Variants in PDE4B observed in about 807,000 individuals in gnomAD.
PDE4B encodes 3',5'-cyclic-AMP phosphodiesterase 4B.
A neutral mutation model predicts 82.2 loss-of-function variants in PDE4B; 20 were observed. That is an observed-to-expected ratio of 0.24 (90% CI 0.17 to 0.35). The LOEUF (loss-of-function observed/expected upper bound fraction) is 0.35, where lower values mean the gene tolerates loss of function less well. Ranked by LOEUF, PDE4B falls within the 10% of genes least tolerant of loss-of-function variation. PDE4B has a pLI of 1.00. For missense variants in PDE4B, 655 were observed against 907.2 expected (o/e 0.72, Z 3.57); for synonymous variants, 320 against 318.9 (o/e 1.00, Z -0.04).
intron 3 of PDE4B, among the ~76,000 whole-genome samples, chr1:66,209,771 AG>A (rs1427419285): frequency 5.9e-5 from 9 of 152,218 alleles, no homozygotes; most frequent in Non-Finnish European, 1.3e-4. Flanking sequence ...TAAAAGGAAT[AG>A]TACAGTATAT....
At position 66,039,856 on chromosome 1, in the gene PDE4B, A is replaced by G. The variant is rs1219081863; in HGVS notation, c.281+121021A>G. 2.5e-5 allele frequency among the ~76,000 whole-genome samples: 3 copies of G among 119,922 alleles called. No homozygotes were observed. The Admixed American group carries it at 2.5e-4, about 10-fold the overall frequency. 78.7% of individuals were successfully genotyped at this position (119,922 alleles called of 152,430 possible). A position where few individuals can be genotyped will look rare whatever the true frequency, so the allele number is the denominator to read the frequency against. ...TTTTGGTGTATACTTTATGGTACTC[A>G]TTGTTATGTAGTTGTATATAGGCAT... On this transcript the variant is annotated intron_variant, in intron 3 of 16. Coordinates refer to ENST00000341517, the MANE Select transcript of PDE4B (RefSeq NM_002600.4).
chr1:65,894,147 TAAA>T (rs554464716), intron 1 of PDE4B, among the ~76,000 whole-genome samples: 1 of 149,260 alleles, frequency 6.7e-6, no homozygotes, highest in Admixed American at 6.7e-5. Context: ...ACTGTTGAAA[TAAA>T]AAAAAAGAAA....
chr1:66,077,460 G>T (rs182300350), intron 3 of PDE4B, among the ~76,000 whole-genome samples: 1 of 152,194 alleles, frequency 6.6e-6, no homozygotes, highest in African/African-American at 2.4e-5. Context: ...TTATGAACTT[G>T]ATTTCCTTTA....
intron 3 of PDE4B, chr1:65,992,643 C>T: frequency 1.1e-6 from 1 of 943,184 alleles, no homozygotes; most frequent in Non-Finnish European, 1.4e-6. Context: ...CAAACCTCAT[C>T]CACAAGGAGG....
chr1:65,822,276 C>T (rs1645961451), intron 1 of PDE4B, among the ~76,000 whole-genome samples: 1 of 152,132 alleles, frequency 6.6e-6, no homozygotes, highest in Non-Finnish European at 1.5e-5. Flanking sequence ...ATTAATTAAT[C>T]TTCTCTCCCG....
At chr1:66,247,143 C>T (rs1653379866) in intron 3 of PDE4B, among the ~76,000 whole-genome samples, 2 of 152,210 alleles carry the variant, frequency 1.3e-5, no homozygotes, top group Middle Eastern at 3.4e-3. Flanking sequence ...GCACCAACGC[C>T]GAATTTGTCC....
At chr1:66,098,460 A>G (rs1645158552) in intron 3 of PDE4B, among the ~76,000 whole-genome samples, 1 of 152,100 alleles carries the variant, frequency 6.6e-6, no homozygotes. Context: ...TTTCTATTTC[A>G]TTATTCCATC....
chr1:66,338,477 G>A (rs182557490), intron 8 of PDE4B, among the ~76,000 whole-genome samples: 281 of 152,212 alleles, frequency 1.8e-3, no homozygotes, highest in Middle Eastern at 6.8e-3. Context: ...TTCTTGCCTG[G>A]GAAGCAGTGT....
intron 3 of PDE4B, among the ~76,000 whole-genome samples, chr1:66,219,515 A>G (rs1307134641): frequency 6.6e-6 from 1 of 152,192 alleles, no homozygotes; most frequent in African/African-American, 2.4e-5. Flanking sequence ...GGAAAAGTTG[A>G]AATCCAAAGA....
intron 1 of PDE4B, among the ~76,000 whole-genome samples, chr1:65,796,983 C>T (rs1229088746): frequency 2.7e-5 from 4 of 145,742 alleles, no homozygotes; most frequent in Non-Finnish European, 6.0e-5. Flanking sequence ...GATGGAGTCT[C>T]GCTCTGTTGC....
intron 3 of PDE4B, among the ~76,000 whole-genome samples, chr1:65,962,850 T>C (rs765178022): frequency 2.6e-5 from 4 of 152,104 alleles, no homozygotes; most frequent in Non-Finnish European, 4.4e-5. Context: ...ATGGCACTCT[T>C]TTGAAAGTGA....
chr1:65,990,942 C>A (rs1030712739), intron 3 of PDE4B, among the ~76,000 whole-genome samples: 1 of 152,082 alleles, frequency 6.6e-6, no homozygotes, highest in African/African-American at 2.4e-5. Context: ...GTAATTTAAA[C>A]CCTTCCTACT....
chr1:65,957,249 T>A (rs1649307134), intron 3 of PDE4B, among the ~76,000 whole-genome samples: 1 of 152,124 alleles, frequency 6.6e-6, no homozygotes. Flanking sequence ...CAATGCTTTG[T>A]GCTTAAAAAA....
intron 1 of PDE4B, among the ~76,000 whole-genome samples, chr1:65,847,689 T>C (rs1216396329): frequency 6.6e-6 from 1 of 152,190 alleles, no homozygotes; most frequent in African/African-American, 2.4e-5. Context: ...CCTACCTTCA[T>C]GTAAGTGTTG....
At chr1:66,075,109 C>A (rs1656350703) in intron 3 of PDE4B, among the ~76,000 whole-genome samples, 1 of 152,034 alleles carries the variant, frequency 6.6e-6, no homozygotes, top group Non-Finnish European at 1.5e-5. Context: ...TCCACAGGCA[C>A]TGTGCCCAGA....
intron 6 of PDE4B, among the ~76,000 whole-genome samples, chr1:66,260,620 G>A (rs745889007): frequency 2.6e-5 from 4 of 152,112 alleles, no homozygotes; most frequent in African/African-American, 4.8e-5. Flanking sequence ...GTGGGTGGTG[G>A]TGTTCTCATT....
intron 7 of PDE4B, among the ~76,000 whole-genome samples, chr1:66,296,009 C>CA (rs377028878): frequency 6.6e-6 from 1 of 152,182 alleles, no homozygotes; most frequent in African/African-American, 2.4e-5. Context: ...AGTACTTTCC[C>CA]ACTCCAATTC....
intron 1 of PDE4B, among the ~76,000 whole-genome samples, chr1:65,797,905 C>T (rs1364264533): frequency 6.6e-6 from 1 of 152,210 alleles, no homozygotes; most frequent in Non-Finnish European, 1.5e-5. Flanking sequence ...GTTCCTCCAG[C>T]CTAGAGGTCA....
At chr1:65,932,488 T>A (rs1458545611) in intron 3 of PDE4B, among the ~76,000 whole-genome samples, 1 of 152,048 alleles carries the variant, frequency 6.6e-6, no homozygotes, top group East Asian at 1.9e-4. Flanking sequence ...TTCTCCTTTA[T>A]AAGTTTAGTC....
Sources: allele counts gnomAD v4.1 joint callset (sites outside exome capture counted in the v4.1 genomes callset), GRCh38; gene constraint gnomAD v4.1.1; transcripts MANE v1.5; gene names NCBI Gene and HGNC (gene_info 2026-07-23, HGNC 2026-07-21).